TPTE2: variants seen among roughly 807,000 people sequenced by gnomAD.
TPTE2 encodes transmembrane phosphoinositide 3-phosphatase and tensin homolog 2.
Under a neutral mutation model 78.6 loss-of-function variants are expected in TPTE2, and 53 were observed. The ratio of observed to expected loss-of-function variants is 0.67; its 90% confidence interval spans 0.54 to 0.85. The LOEUF (loss-of-function observed/expected upper bound fraction) is 0.85, where lower values mean the gene tolerates loss of function less well. Among genes scored for constraint, TPTE2 ranks in the 40% least tolerant of loss-of-function variants. The probability of loss-of-function intolerance (pLI) is 0.00; values close to 1 mark genes in which losing one functional copy is unlikely to be tolerated. For synonymous variants in TPTE2, 175 were observed against 206.2 expected (o/e 0.85, Z 1.30); for missense variants, 461 against 623.0 (o/e 0.74, Z 2.77).
chr13:19,445,720 T>C (rs1188859577), intron 13 of TPTE2, among the ~76,000 whole-genome samples: 1 of 152,210 alleles, frequency 6.6e-6, no homozygotes, highest in Non-Finnish European at 1.5e-5. Context: ...GGCAGGCACA[T>C]CACTTGAGGT....
At position 19,514,590 on chromosome 13, in the gene TPTE2, A is replaced by AGTGTGTGTGTGTGT. The variant is rs1282304990; in HGVS notation, c.-43-11314_-43-11313insACACACACACACAC. ...TCAGGATACAGCACCAGTACTTCTG[A>AGTGTGTGTGTGTGT]GAGTGTGTGTGTGTGTGTGTGTGTG... is the stretch of plus-strand genomic sequence containing the variant. On this transcript the variant is annotated intron_variant, in intron 1 of 17. Coordinates refer to the TPTE2 transcript ENST00000390680. Among the ~76,000 whole-genome samples the AGTGTGTGTGTGTGT allele has an allele frequency of 4.3e-4, 8 of 18,708 alleles. No homozygotes were observed. In the East Asian group the frequency reaches 0.027, roughly 62 times the overall value. The allele number at this position is 18,708 out of a possible 152,430, so 12.3% of individuals were successfully genotyped here.
chr13:19,546,466 G>T, the TPTE2 span, among the ~76,000 whole-genome samples: 20 of 145,630 alleles, frequency 1.4e-4, no homozygotes, highest in Admixed American at 1.2e-3. Flanking sequence ...TTGATTTTTG[G>T]GTTTTTTTTT....
chr13:19,553,761 T>A, the TPTE2 span, among the ~76,000 whole-genome samples: 1 of 152,200 alleles, frequency 6.6e-6, no homozygotes, highest in African/African-American at 2.4e-5. Flanking sequence ...CTATTGTAGA[T>A]CAATGGTTGC....
chr13:19,470,325 C>T (rs892855346), intron 6 of TPTE2, among the ~76,000 whole-genome samples: 16 of 152,020 alleles, frequency 1.1e-4, no homozygotes, highest in East Asian at 3.9e-4. Context: ...TATAATGTAT[C>T]GCATTGATTG....
chr13:19,455,176 C>A (rs1878464904), intron 10 of TPTE2, among the ~76,000 whole-genome samples: 2 of 152,200 alleles, frequency 1.3e-5, no homozygotes, highest in Non-Finnish European at 2.9e-5. Context: ...TCAGACCCTT[C>A]TCTTCAAGGT....
At chr13:19,455,315 C>A (rs1211789106) in intron 10 of TPTE2, among the ~76,000 whole-genome samples, 1 of 152,216 alleles carries the variant, frequency 6.6e-6, no homozygotes, top group African/African-American at 2.4e-5. Flanking sequence ...AAGGTAGAAT[C>A]ATTCCATCAA....
rs1361494762 is a variant in TPTE2, at chr13:19,451,131, C to T, written c.802+34G>A. ...CTTACGTGCAGTAATCTGTTTTCTA[C>T]CTACAGTAGCAAAATATAGAGTAAT... On this transcript the variant is annotated intron_variant, in intron 11 of 19. Coordinates refer to ENST00000400230, the Ensembl canonical transcript of TPTE2. The T allele has an allele frequency of 3.7e-6, 6 of 1,607,280 alleles. No homozygotes were observed. The African/African-American group carries it at 4.0e-5, about 11-fold the overall frequency.
intron 15 of TPTE2, among the ~76,000 whole-genome samples, chr13:19,435,707 C>T (rs2137488736): frequency 6.6e-6 from 1 of 151,466 alleles, no homozygotes; most frequent in Non-Finnish European, 1.5e-5. Flanking sequence ...TTTATTTCCC[C>T]TTTTATTTTC....
intron 1 of TPTE2, among the ~76,000 whole-genome samples, chr13:19,494,225 A>G (rs1881175019): frequency 6.6e-6 from 1 of 152,162 alleles, no homozygotes; most frequent in Admixed American, 6.5e-5. Flanking sequence ...CTCTATAGTC[A>G]GTTTCTTTTT....
chr13:19,522,410 G>A (rs1027041038), intron 1 of TPTE2, among the ~76,000 whole-genome samples: 2 of 152,124 alleles, frequency 1.3e-5, no homozygotes, highest in Non-Finnish European at 2.9e-5. Context: ...AAATTGTGAA[G>A]AAGAACAAAG....
intron 17 of TPTE2, among the ~76,000 whole-genome samples, chr13:19,428,870 T>A: frequency 6.6e-6 from 1 of 152,128 alleles, no homozygotes; most frequent in East Asian, 1.9e-4. Context: ...AAAGCTCAGG[T>A]ATTATGTTAG....
the TPTE2 span, among the ~76,000 whole-genome samples, chr13:19,559,812 C>T: frequency 1.3e-4 from 14 of 105,166 alleles, no homozygotes; most frequent in South Asian, 7.9e-4. Context: ...GCCCAGAGCC[C>T]GGACACACGT....
intron 18 of TPTE2, chr13:19,425,956 G>C (rs1184120829): frequency 4.6e-6 from 2 of 432,148 alleles, no homozygotes; most frequent in African/African-American, 4.0e-5. Flanking sequence ...CTACTCGGGA[G>C]GCTGAGGTGG....
chr13:19,435,465 G>A (rs1345923936), intron 15 of TPTE2, among the ~76,000 whole-genome samples: 4 of 152,132 alleles, frequency 2.6e-5, no homozygotes, highest in African/African-American at 7.2e-5. Context: ...GGAAAGAACG[G>A]ATGAAACGTG....
At chr13:19,442,978 A>T (rs1877589165) in intron 13 of TPTE2, among the ~76,000 whole-genome samples, 1 of 152,174 alleles carries the variant, frequency 6.6e-6, no homozygotes, top group African/African-American at 2.4e-5. Context: ...GAAGGAAAAA[A>T]ATCAGCATGC....
intron 1 of TPTE2, among the ~76,000 whole-genome samples, chr13:19,520,856 G>T (rs1870103518): frequency 6.6e-6 from 1 of 151,908 alleles, no homozygotes; most frequent in African/African-American, 2.4e-5. Flanking sequence ...ATGACCAATT[G>T]ATTATTTAAG....
intron 10 of TPTE2, among the ~76,000 whole-genome samples, chr13:19,453,538 CATATATATATAT>C (rs56140648): frequency 4.6e-4 from 64 of 139,954 alleles, no homozygotes; most frequent in Non-Finnish European, 5.6e-4. Flanking sequence ...ATTTTATAAT[CATATATATATAT>C]ATATATATAT....
rs200886198 is a variant in TPTE2, at chr13:19,438,546, A to AT, written c.974-394dup. On this transcript the variant is annotated intron_variant, in intron 13 of 19. Coordinates refer to ENST00000400230, the Ensembl canonical transcript of TPTE2. Reference sequence around the variant, plus strand: ...GCACAAATACAGTAGAAGAAAAGACATTTTTACACCAGTCTCACATATAAA... The same window carrying AT: ...GCACAAATACAGTAGAAGAAAAGACATTTTTTACACCAGTCTCACATATAAA... 3,518 of 437,022 alleles carry AT rather than the reference A, an allele frequency of 8.0e-3. 120 individuals carry two copies. Among genetic ancestry groups the AT allele is most frequent in the African/African-American group, 0.071 (3,306 of 46,556 alleles). 27.1% of individuals were successfully genotyped at this position (437,022 alleles called of 1,614,324 possible).
intron 7 of TPTE2, among the ~76,000 whole-genome samples, chr13:19,466,910 C>T (rs190179271): frequency 1.8e-3 from 269 of 152,260 alleles, no homozygotes; most frequent in African/African-American, 6.2e-3. Flanking sequence ...AAAAATGATA[C>T]AAATGGGAAT....
Sources: gnomAD v4.1 joint callset for allele counts (sites outside exome capture counted in the v4.1 genomes callset) on GRCh38, gnomAD v4.1.1 for gene constraint, MANE v1.5 for transcripts, NCBI Gene and HGNC (gene_info 2026-07-23, HGNC 2026-07-21) for gene names.